The following CADPS2 variants were observed in gnomAD, a reference collection of about 807,000 sequenced individuals.
CADPS2 encodes the protein calcium dependent secretion activator 2, also known as calcium-dependent secretion activator 2.
Under a neutral mutation model 172.5 loss-of-function variants are expected in CADPS2, and 93 were observed. The observed-to-expected ratio is 0.54, with a 90% confidence interval of 0.46 to 0.64. The LOEUF (loss-of-function observed/expected upper bound fraction) is 0.64. Among genes scored for constraint, CADPS2 ranks in the 30% least tolerant of loss-of-function variants. The probability of loss-of-function intolerance (pLI) is 0.00; values close to 1 mark genes in which losing one functional copy is unlikely to be tolerated. For synonymous variants in CADPS2, 546 were observed against 555.2 expected (o/e 0.98, Z 0.23); for missense variants, 1,420 against 1,565.9 (o/e 0.91, Z 1.57).
At chr7:122,523,021 C>T (rs952056740) in intron 8 of CADPS2, among the ~76,000 whole-genome samples, 10 of 152,128 alleles carry the variant, frequency 6.6e-5, no homozygotes, top group East Asian at 3.8e-4. Flanking sequence ...AACAATGCTA[C>T]GATAAACATG....
At chr7:122,847,985 T>G (rs1264157227) in intron 1 of CADPS2, among the ~76,000 whole-genome samples, 1 of 152,158 alleles carries the variant, frequency 6.6e-6, no homozygotes, top group Non-Finnish European at 1.5e-5. Flanking sequence ...AAACTAATCT[T>G]CTAGAGCAAC....
At chr7:122,777,154 A>G (rs539731631) in intron 1 of CADPS2, among the ~76,000 whole-genome samples, 1 of 152,166 alleles carries the variant, frequency 6.6e-6, no homozygotes, top group Non-Finnish European at 1.5e-5. Context: ...CTGTCTAAAA[A>G]AATAATAATA....
chr7:122,491,555 T>C (rs2058290866), intron 9 of CADPS2, 135 bp from the exon 10 acceptor site: 2 of 554,300 alleles, frequency 3.6e-6, no homozygotes, highest in African/African-American at 1.9e-5. Context: ...AATTTTAGCA[T>C]TTTTCAAAAC....
intron 2 of CADPS2, among the ~76,000 whole-genome samples, chr7:122,666,785 T>TG (rs1422269816): frequency 1.3e-5 from 2 of 152,196 alleles, no homozygotes. Flanking sequence ...CCCCTGAGAA[T>TG]GGTCTCCCAA....
In CADPS2 at chr7:122,474,444, G is replaced by T. The variant is rs201882662; in HGVS notation, c.1935C>A (p.Phe645Leu). The stretch of plus-strand genomic sequence containing the variant: ...TCTGCCTCTGGAGTATTCTAAAAAG[G>T]AAGGCATGATCAAGCTTGCAGGGGT... ...SANPCKLDHA[F>L]LFRILQRQTL... The change falls in exon 13 of 30, where the codon TTC becomes TTA. Residue 645 changes from phenylalanine (F) to leucine (L), a missense_variant. Physicochemically the swap from Phe to Leu is conservative, Grantham distance 22. Transcript: ENST00000449022. 2 of 1,613,348 alleles carry T rather than the reference G, an allele frequency of 1.2e-6. No homozygotes were observed. The highest frequency in any genetic ancestry group is 3.3e-5 in the Admixed American group (2 of 59,968).
At chr7:122,639,573 C>T (rs1219605288) in intron 3 of CADPS2, among the ~76,000 whole-genome samples, 1 of 152,116 alleles carries the variant, frequency 6.6e-6, no homozygotes, top group African/African-American at 2.4e-5. Flanking sequence ...TACATAGGTC[C>T]ATGAATAACC....
intron 1 of CADPS2, among the ~76,000 whole-genome samples, chr7:122,767,882 G>C (rs1315462580): frequency 1.3e-5 from 2 of 152,036 alleles, no homozygotes; most frequent in African/African-American, 4.8e-5. Flanking sequence ...TAGAATTCTG[G>C]GATGCTAACT....
chr7:122,762,596 C>T (rs1037985418), intron 1 of CADPS2, among the ~76,000 whole-genome samples: 9 of 152,124 alleles, frequency 5.9e-5, no homozygotes, highest in Non-Finnish European at 1.5e-5. Context: ...AAGAAAGAAA[C>T]ATTTTTCAAA....
intron 1 of CADPS2, among the ~76,000 whole-genome samples, chr7:122,869,320 A>G (rs1819131972): frequency 6.6e-6 from 1 of 152,136 alleles, no homozygotes. Flanking sequence ...AAATATTGAA[A>G]AATCTGCATA....
chr7:122,502,227 C>T (rs1022503847), intron 9 of CADPS2, among the ~76,000 whole-genome samples: 2 of 151,990 alleles, frequency 1.3e-5, no homozygotes, highest in African/African-American at 4.8e-5. Context: ...TGTTAATATC[C>T]TTAACATAAA....
rs185070452 is a variant in CADPS2 at position 122,396,472 on chromosome 7, T to C, written c.2747-2890A>G. Among the ~76,000 whole-genome samples, 4 of 152,306 alleles carry C rather than the reference T, an allele frequency of 2.6e-5. No homozygotes were observed. In the East Asian group the frequency reaches 7.7e-4, roughly 30 times the overall value. On this transcript the variant is annotated intron_variant, in intron 20 of 29. Transcript: ENST00000449022. ...TCATAAGCAGAGGGGCTTGCTGAAATATGAAACTAAGAATGTCACTCCTAA... is the reference window on the plus strand; with the variant it reads ...TCATAAGCAGAGGGGCTTGCTGAAACATGAAACTAAGAATGTCACTCCTAA...
intron 12 of CADPS2, among the ~76,000 whole-genome samples, chr7:122,478,067 C>G (rs927613035): frequency 6.6e-6 from 1 of 152,120 alleles, no homozygotes; most frequent in Non-Finnish European, 1.5e-5. Flanking sequence ...ACAGGTATAA[C>G]ATACCTATAT....
intron 7 of CADPS2, among the ~76,000 whole-genome samples, chr7:122,574,445 T>TA (rs869077766): frequency 0.01 from 381 of 37,974 alleles, 10 homozygotes; most frequent in Non-Finnish European, 0.013. Context: ...GACCCTGTCT[T>TA]AAAAAAAAAA....
intron 1 of CADPS2, among the ~76,000 whole-genome samples, chr7:122,802,188 A>G (rs1043887841): frequency 3.3e-5 from 5 of 152,226 alleles, no homozygotes; most frequent in African/African-American, 1.2e-4. Context: ...TCTATACTGT[A>G]AATGTGTGAA....
At chr7:122,497,512 C>G (rs1415303889) in intron 9 of CADPS2, among the ~76,000 whole-genome samples, 1 of 152,152 alleles carries the variant, frequency 6.6e-6, no homozygotes, top group African/African-American at 2.4e-5. Flanking sequence ...ATCCAGGAAA[C>G]TTTGAGTGCT....
At chr7:122,729,434 G>A (rs1404108567) in intron 2 of CADPS2, among the ~76,000 whole-genome samples, 6 of 151,530 alleles carry the variant, frequency 4.0e-5, no homozygotes, top group Non-Finnish European at 7.4e-5. Flanking sequence ...ATTTTTTAAG[G>A]AAACTCCATA....
chr7:122,398,949 C>T lies in CADPS2; in HGVS notation c.2747-5367G>A, dbSNP rs143173758. The stretch of plus-strand genomic sequence containing the variant: ...CCATTTAAGTAGACTAGGAAACACA[C>T]TGGATTCTATTGTCCTTTTAATTAA... On this transcript the variant is annotated intron_variant, in intron 20 of 29. Coordinates refer to ENST00000449022, the MANE Select transcript of CADPS2 (RefSeq NM_017954.11). Among the ~76,000 whole-genome samples, 1,418 of 152,246 alleles carry T rather than the reference C, an allele frequency of 9.3e-3. 23 individuals are homozygous for T. Among genetic ancestry groups the T allele is most frequent in the African/African-American group, 0.032 (1,334 of 41,532 alleles).
chr7:122,548,041 G>A (rs1252543046), intron 8 of CADPS2, among the ~76,000 whole-genome samples: 1 of 152,090 alleles, frequency 6.6e-6, no homozygotes, highest in African/African-American at 2.4e-5. Context: ...TAAGTATTGA[G>A]TCAGCTGTTT....
chr7:122,371,223 T>A (rs901071630), intron 25 of CADPS2, among the ~76,000 whole-genome samples: 1 of 152,204 alleles, frequency 6.6e-6, no homozygotes, highest in Non-Finnish European at 1.5e-5. Flanking sequence ...TTTGGAAAGA[T>A]ACTCTGGCTT....
Sources: gnomAD v4.1 joint callset for allele counts (sites outside exome capture counted in the v4.1 genomes callset) on GRCh38, gnomAD v4.1.1 for gene constraint, MANE v1.5 for transcripts, NCBI Gene and HGNC (gene_info 2026-07-23, HGNC 2026-07-21) for gene names.